The following GPC6 variants were observed in gnomAD, a reference collection of about 807,000 sequenced individuals.
GPC6 encodes the protein glypican 6.
A neutral mutation model predicts 55.2 loss-of-function variants in GPC6; 14 were observed. The observed-to-expected ratio is 0.25, with a 90% CI of 0.17 to 0.40. The LOEUF is 0.40. GPC6 is among the 10% of genes least tolerant of loss of function. The probability of loss-of-function intolerance (pLI) is 1.00; values close to 1 mark genes in which losing one functional copy is unlikely to be tolerated. For missense variants in GPC6, 641 were observed against 708.5 expected, an observed-to-expected ratio of 0.90 and a Z score of 1.08; for synonymous variants, 278 against 259.6, an observed-to-expected ratio of 1.07 and a Z score of -0.68.
chr13:94,334,020 CT>C (rs1877557066), intron 6 of GPC6, among the ~76,000 whole-genome samples: 1 of 152,186 alleles, frequency 6.6e-6, no homozygotes, highest in Admixed American at 6.5e-5. Context: ...CACCCTCTTT[CT>C]GTTTTCTGAT....
chr13:94,001,066 TA>T (rs1881777759), intron 3 of GPC6, among the ~76,000 whole-genome samples: 1 of 152,144 alleles, frequency 6.6e-6, no homozygotes, highest in African/African-American at 2.4e-5. Flanking sequence ...TTACCTAGCT[TA>T]AAAGACAAAA....
At position 93,453,970 on chromosome 13, in the gene GPC6, C is replaced by A. The variant is rs113493618; in HGVS notation, c.161-91293C>A. Among the ~76,000 whole-genome samples the A allele has an allele frequency of 3.7e-3, 568 of 152,218 alleles. 7 individuals carry two copies. The highest frequency in any genetic ancestry group is 0.013 in the African/African-American group (548 of 41,550). ...ACCCACATCCTGCTGATTGGTAGAG[C>A]GGAGTGGTCTGTTTTGACAGGGCGC... On this transcript the variant is annotated intron_variant, in intron 1 of 8. Coordinates refer to ENST00000377047, the MANE Select transcript of GPC6 (RefSeq NM_005708.5).
At chr13:94,037,651 G>A (rs979364932) in intron 4 of GPC6, among the ~76,000 whole-genome samples, 1 of 151,944 alleles carries the variant, frequency 6.6e-6, no homozygotes, top group Non-Finnish European at 1.5e-5. Flanking sequence ...GAGAATTTCA[G>A]TGACCTGTTC....
chr13:93,531,949 T>C (rs1433043354), intron 1 of GPC6, among the ~76,000 whole-genome samples: 1 of 152,168 alleles, frequency 6.6e-6, no homozygotes, highest in East Asian at 1.9e-4. Flanking sequence ...TGCTTTGCAA[T>C]GATATGATGC....
chr13:93,249,047 A>G (rs952314539), intron 1 of GPC6, among the ~76,000 whole-genome samples: 3 of 152,158 alleles, frequency 2.0e-5, no homozygotes, highest in African/African-American at 7.2e-5. Flanking sequence ...CATTGTACCA[A>G]CACCATATCC....
At position 93,956,751 on chromosome 13, in the gene GPC6, G is replaced by C. The variant is rs1297922630; in HGVS notation, c.712-70978G>C. Among the ~76,000 whole-genome samples, 8 of 152,236 alleles carry C rather than the reference G, an allele frequency of 5.3e-5. No individual in the cohort carries two copies. In the East Asian group the frequency reaches 1.3e-3, roughly 26 times the overall value. On this transcript the variant is annotated intron_variant, in intron 3 of 8. Transcript: ENST00000377047. ...CAACCGGGCATGTTTGTTTTAAACAGATGGCTAGGCACCCACTTCTATTTA... is the reference window on the plus strand; with the variant it reads ...CAACCGGGCATGTTTGTTTTAAACACATGGCTAGGCACCCACTTCTATTTA...
intron 6 of GPC6, among the ~76,000 whole-genome samples, chr13:94,369,068 A>G (rs1409718600): frequency 6.6e-6 from 1 of 152,040 alleles, no homozygotes; most frequent in East Asian, 1.9e-4. Flanking sequence ...TAAAATATTC[A>G]CATTGGTTTT....
At chr13:94,049,248 C>CAAAAA (rs776241623) in intron 4 of GPC6, among the ~76,000 whole-genome samples, 3 of 138,300 alleles carry the variant, frequency 2.2e-5, no homozygotes, top group East Asian at 4.4e-4. Flanking sequence ...GATCTTATCT[C>CAAAAA]AAAAAAAAAA....
chr13:94,191,958 TGAAGA>T (rs1270288395), intron 4 of GPC6, among the ~76,000 whole-genome samples: 3 of 152,164 alleles, frequency 2.0e-5, no homozygotes, highest in Non-Finnish European at 2.9e-5. Flanking sequence ...CTCTTATACT[TGAAGA>T]GAAGACCTCT....
rs117929858 is a variant in GPC6, at chr13:93,827,503, G to A, written c.320-2651G>A. ...ATAAGATCTTAGATCAATGTGCCTT[G>A]AGGTAGCAACATTTGTCATAATTGG... is the stretch of plus-strand genomic sequence containing the variant. On this transcript the variant is annotated intron_variant, in intron 2 of 8. Coordinates refer to ENST00000377047, the MANE Select transcript of GPC6 (RefSeq NM_005708.5). Among the ~76,000 whole-genome samples, 112 of 152,250 alleles carry A rather than the reference G, an allele frequency of 7.4e-4. 1 individual carries two copies. In the East Asian group the frequency reaches 0.021, roughly 29 times the overall value.
intron 1 of GPC6, among the ~76,000 whole-genome samples, chr13:93,451,392 G>A (rs1354416473): frequency 2.6e-5 from 4 of 152,192 alleles, no homozygotes; most frequent in Admixed American, 2.6e-4. Context: ...TGGGCTAAAT[G>A]TGCCCTGCTG....
At chr13:93,376,049 C>CTTT (rs11362182) in intron 1 of GPC6, among the ~76,000 whole-genome samples, 15 of 137,772 alleles carry the variant, frequency 1.1e-4, no homozygotes, top group African/African-American at 1.9e-4. Context: ...GCATCTGGCA[C>CTTT]TTTTTTTTTT....
At chr13:93,236,281 A>G (rs989321646) in intron 1 of GPC6, among the ~76,000 whole-genome samples, 3 of 152,140 alleles carry the variant, frequency 2.0e-5, no homozygotes, top group Admixed American at 6.6e-5. Context: ...TGTTGGTTAC[A>G]TGGATGAATT....
chr13:94,063,137 A>G (rs1884392168), intron 4 of GPC6, among the ~76,000 whole-genome samples: 1 of 152,104 alleles, frequency 6.6e-6, no homozygotes, highest in Non-Finnish European at 1.5e-5. Context: ...TTAGACCTTC[A>G]CTGACTCTTC....
chr13:93,364,887 C>T (rs34333926), intron 1 of GPC6, among the ~76,000 whole-genome samples: 10,030 of 151,962 alleles, frequency 0.066, 421 homozygotes, highest in East Asian at 0.12. Flanking sequence ...GCATACATTA[C>T]ACCTTCACCT....
intron 2 of GPC6, among the ~76,000 whole-genome samples, chr13:93,552,279 T>C (rs1875200579): frequency 6.6e-6 from 1 of 152,172 alleles, no homozygotes; most frequent in African/African-American, 2.4e-5. Flanking sequence ...CAATTAGAGA[T>C]TTTGGCTTTG....
At chr13:94,294,456 A>T (rs868733509) in intron 5 of GPC6, among the ~76,000 whole-genome samples, 152 of 148,814 alleles carry the variant, frequency 1.0e-3, no homozygotes, top group African/African-American at 3.5e-3. Flanking sequence ...AAAAAAAAAA[A>T]CCCTAAGAGA....
chr13:93,246,935 T>C (rs898285681), intron 1 of GPC6, among the ~76,000 whole-genome samples: 1 of 151,608 alleles, frequency 6.6e-6, no homozygotes, highest in African/African-American at 2.4e-5. Context: ...ATCTCCATGA[T>C]TGGGAGTTTT....
intron 2 of GPC6, among the ~76,000 whole-genome samples, chr13:93,664,783 C>T (rs1881068441): frequency 1.3e-5 from 2 of 152,100 alleles, no homozygotes; most frequent in Admixed American, 6.5e-5. Context: ...ACGCCTGGCA[C>T]ACAAGCCACT....
Sources: gnomAD v4.1 joint callset for allele counts (sites outside exome capture counted in the v4.1 genomes callset) on GRCh38, gnomAD v4.1.1 for gene constraint, MANE v1.5 for transcripts, NCBI Gene and HGNC (gene_info 2026-07-23, HGNC 2026-07-21) for gene names.